Variants in GNL2 observed in about 807,000 individuals in gnomAD.
The protein encoded by GNL2 is nucleolar GTP-binding protein 2.
A neutral mutation model predicts 92.3 loss-of-function variants in GNL2; 51 were observed. The ratio of observed to expected loss-of-function variants is 0.55; its 90% CI spans 0.44 to 0.70. The LOEUF is 0.70. Ranked by LOEUF, GNL2 falls within the 30% of genes least tolerant of loss-of-function variation. GNL2 has a pLI of 0.00. For synonymous variants in GNL2, 283 were observed against 300.6 expected (o/e 0.94, Z 0.61); for missense variants, 844 against 895.6 (o/e 0.94, Z 0.74).
intron 7 of GNL2, 49 bp downstream of exon 7, chr1:37,582,725 GACTT>G (rs1455891279): frequency 2.2e-5 from 31 of 1,417,290 alleles, no homozygotes; most frequent in Non-Finnish European, 3.0e-5. Context: ...CCCTACAACT[GACTT>G]ACTAACAGAT....
Position 37,587,497 on chromosome 1 carries a change from T to C in GNL2, c.385-2A>G, listed in dbSNP as rs981748434. On this transcript the variant is annotated splice_acceptor_variant, in intron 4 of 15. Transcript: ENST00000373062. LOFTEE classifies it high-confidence loss of function. ...ATCAAGAATGTGCACCTTCAAGTTC[T>C]GAAGAGAAAGGAGAATAACAGGTAA... The C allele has an allele frequency of 1.9e-6, 3 of 1,598,968 alleles. No homozygotes were observed. Among genetic ancestry groups the C allele is most frequent in the Non-Finnish European group, 2.6e-6 (3 of 1,170,190 alleles).
In GNL2 at chr1:37,587,407, C is replaced by T; in HGVS notation, c.473G>A (p.Ser158Asn). The change falls in exon 5 of 16, where the codon AGT (serine) becomes AAT (asparagine). Residue 158 changes from serine (S) to asparagine (N), a missense_variant. Transcript: ENST00000373062. ...ATTTTCGATAAGAGACTGCATATCACTTGCAAATAAGTTTGGTCGTTTCCT... is the reference window on the plus strand; with the variant it reads ...ATTTTCGATAAGAGACTGCATATCATTTGCAAATAAGTTTGGTCGTTTCCT... ...SQRKRPNLFA[S>N]DMQSLIENAE... 1.9e-6 allele frequency: 3 copies of T among 1,613,394 alleles called. No homozygotes were observed. The highest frequency in any genetic ancestry group is 2.5e-6 in the Non-Finnish European group (3 of 1,179,340).
At chr1:37,586,162 T>G (rs1165834503) in intron 5 of GNL2, among the ~76,000 whole-genome samples, 1 of 152,220 alleles carries the variant, frequency 6.6e-6, no homozygotes, top group Non-Finnish European at 1.5e-5. Context: ...TTGTTGATTA[T>G]GTACTGACAT....
At position 37,587,321 on chromosome 1, in the gene GNL2, T is replaced by C. The variant is rs1385059286; in HGVS notation, c.559A>G (p.Thr187Ala). Residue 187 changes from threonine (T) to alanine (A), a missense_variant, in exon 5 of 16, where the codon ACT (threonine) becomes GCT (alanine). Coordinates refer to ENST00000373062, the MANE Select transcript of GNL2 (RefSeq NM_013285.3). ...AAAAAAAAAATGTACCTCACACCAG[T>C]GTCTTCAGTTACCAAATCACGATCC... ...GKDRDLVTED[T>A]GVRNEAQEEI... 2 of 1,586,678 alleles carry C rather than the reference T, an allele frequency of 1.3e-6. No homozygotes were observed. The highest frequency in any genetic ancestry group is 1.7e-6 in the Non-Finnish European group (2 of 1,167,178).
chr1:37,588,318 C>T (rs1643868812), intron 4 of GNL2, among the ~76,000 whole-genome samples: 1 of 151,980 alleles, frequency 6.6e-6, no homozygotes, highest in Non-Finnish European at 1.5e-5. Flanking sequence ...GTACAAGCTC[C>T]TCCGTAAGCA....
chr1:37,592,038 G>A (rs1643890862), intron 3 of GNL2, among the ~76,000 whole-genome samples: 1 of 152,188 alleles, frequency 6.6e-6, no homozygotes, highest in Non-Finnish European at 1.5e-5. Context: ...CAGTTCTTAG[G>A]AAGTATCCCA....
At chr1:37,586,475 T>C (rs1232222734) in intron 5 of GNL2, among the ~76,000 whole-genome samples, 3 of 151,864 alleles carry the variant, frequency 2.0e-5, no homozygotes, top group African/African-American at 7.3e-5. Flanking sequence ...AGATACTTCC[T>C]CTCCTCCTCC....
intron 10 of GNL2, 22 bp from the exon 11 acceptor site, chr1:37,574,845 C>T (rs781300707): frequency 1.3e-6 from 2 of 1,581,034 alleles, no homozygotes; most frequent in Non-Finnish European, 1.7e-6. Flanking sequence ...TAGGAAATCT[C>T]TCACTTACAA....
chr1:37,589,339 C>T (rs911719441), intron 4 of GNL2, among the ~76,000 whole-genome samples: 1 of 152,250 alleles, frequency 6.6e-6, no homozygotes, highest in African/African-American at 2.4e-5. Context: ...GAGTCTTGCT[C>T]TGTCGCCTGG....
At chr1:37,594,566 G>A (rs543331715) in intron 1 of GNL2, among the ~76,000 whole-genome samples, 26 of 151,946 alleles carry the variant, frequency 1.7e-4, no homozygotes, top group African/African-American at 5.5e-4. Flanking sequence ...TTTTGAGACA[G>A]AGTCGTGCTC....
chr1:37,593,750 C>T lies in GNL2; in HGVS notation c.149+12G>A. 1 of 1,595,584 alleles carries T rather than the reference C, an allele frequency of 6.3e-7. No individual in the cohort carries two copies. On this transcript the variant is annotated intron_variant, in intron 2 of 15. Coordinates refer to ENST00000373062, the MANE Select transcript of GNL2 (RefSeq NM_013285.3). ...AAGGAAAAGAGAAAGGATGACAGCA[C>T]CCAGTGCTCACCTGCGCTCCTTTTG...
intron 8 of GNL2, among the ~76,000 whole-genome samples, chr1:37,578,790 G>A (rs1643718774): frequency 6.6e-6 from 1 of 152,058 alleles, no homozygotes; most frequent in Non-Finnish European, 1.5e-5. Context: ...GAACTCCTGA[G>A]CTCAAGCGAT....
At chr1:37,569,551 T>C (rs559160391) in intron 12 of GNL2, 13 of 422,006 alleles carry the variant, frequency 3.1e-5, no homozygotes, top group South Asian at 1.1e-4. Context: ...ATTTAAACCA[T>C]TAAAACCAAC....
chr1:37,568,035 T>C (rs886457744), intron 14 of GNL2: 2 of 589,408 alleles, frequency 3.4e-6, no homozygotes, highest in Non-Finnish European at 6.0e-6. Flanking sequence ...ACCCTTGGAT[T>C]CTAGGTTAAT....
chr1:37,577,192 C>T (rs182482306), intron 8 of GNL2, among the ~76,000 whole-genome samples: 5 of 152,122 alleles, frequency 3.3e-5, no homozygotes, highest in Admixed American at 6.5e-5. Flanking sequence ...AAAACATCTT[C>T]GGGAAAAAGA....
intron 15 of GNL2, 64 bp downstream of exon 15, chr1:37,567,608 TG>T: frequency 9.4e-7 from 1 of 1,068,056 alleles, no homozygotes; most frequent in Non-Finnish European, 1.5e-6. Flanking sequence ...TTTGTTTCAG[TG>T]GGTCTTGACA....
At chr1:37,593,656 C>G (rs1420945965) in intron 2 of GNL2, 106 bp downstream of exon 2, 37 of 727,018 alleles carry the variant, frequency 5.1e-5, no homozygotes, top group Non-Finnish European at 8.1e-5. Context: ...ATATATAACT[C>G]CTATTTGGAG....
chr1:37,581,670 T>A (rs1643770378), intron 8 of GNL2: 1 of 362,468 alleles, frequency 2.8e-6, no homozygotes, highest in South Asian at 2.1e-5. Context: ...TTTTTACATC[T>A]TCTTCTTCTT....
intron 8 of GNL2, 143 bp downstream of exon 8, chr1:37,582,080 C>T: frequency 7.2e-6 from 4 of 553,304 alleles, no homozygotes; most frequent in Non-Finnish European, 1.3e-5. Context: ...CCTGCCTCAG[C>T]GTCCTGAGTA....
Sources: gnomAD v4.1 joint callset for allele counts (sites outside exome capture counted in the v4.1 genomes callset) on GRCh38, gnomAD v4.1.1 for gene constraint, MANE v1.5 for transcripts, NCBI Gene and HGNC (gene_info 2026-07-23, HGNC 2026-07-21) for gene names.